Variants in TANC2 observed in about 807,000 individuals in gnomAD.
TANC2 encodes the protein protein TANC2.
TANC2 carries 26 observed loss-of-function variants against 210.5 expected under a neutral mutation model. The ratio of observed to expected loss-of-function variants is 0.12; its 90% CI spans 0.09 to 0.17. The LOEUF (loss-of-function observed/expected upper bound fraction) is 0.17. Among genes scored for constraint, TANC2 ranks in the 10% least tolerant of loss-of-function variants. The pLI, the probability that TANC2 is intolerant of heterozygous loss-of-function variation, is 1.00. For synonymous variants in TANC2, 931 were observed against 967.1 expected (o/e 0.96, Z 0.69); for missense variants, 2,129 against 2,608.9 (o/e 0.82, Z 4.01).
chr17:63,265,990 T>C (rs1338567688), intron 8 of TANC2, among the ~76,000 whole-genome samples: 2 of 152,180 alleles, frequency 1.3e-5, no homozygotes, highest in Admixed American at 6.5e-5. Context: ...GAATCATCTG[T>C]ACCATCAAGA....
At chr17:63,140,822 T>C (rs1380104758) in intron 4 of TANC2, among the ~76,000 whole-genome samples, 1 of 152,120 alleles carries the variant, frequency 6.6e-6, no homozygotes, top group African/African-American at 2.4e-5. Context: ...TCTTGGCTCA[T>C]TGCATCCTCT....
chr17:63,371,521 G>A (rs778353277), intron 14 of TANC2, among the ~76,000 whole-genome samples: 3 of 151,738 alleles, frequency 2.0e-5, no homozygotes, highest in Non-Finnish European at 4.4e-5. Flanking sequence ...AGCATTAGAA[G>A]GTTGTATATT....
intron 1 of TANC2, among the ~76,000 whole-genome samples, chr17:62,976,666 A>C (rs2032019113): frequency 6.6e-6 from 1 of 152,062 alleles, no homozygotes; most frequent in South Asian, 2.1e-4. Context: ...TTAGAAGCAA[A>C]ATTTATTCAA....
intron 7 of TANC2, among the ~76,000 whole-genome samples, chr17:63,210,901 A>T (rs2041865944): frequency 6.6e-6 from 1 of 152,066 alleles, no homozygotes; most frequent in Non-Finnish European, 1.5e-5. Flanking sequence ...TCTTTTTAAA[A>T]TTTTTTAGCA....
chr17:63,136,269 C>A (rs1301056866), intron 4 of TANC2, among the ~76,000 whole-genome samples: 1 of 152,072 alleles, frequency 6.6e-6, no homozygotes, highest in Non-Finnish European at 1.5e-5. Flanking sequence ...ATGTTGTCTC[C>A]ATATTTATTG....
intron 11 of TANC2, among the ~76,000 whole-genome samples, chr17:63,339,489 C>CA (rs1229850706): frequency 6.6e-6 from 1 of 152,164 alleles, no homozygotes; most frequent in East Asian, 1.9e-4. Context: ...AGACCTACAT[C>CA]TAACAAAAAT....
chr17:62,975,630 A>G (rs73339645), intron 1 of TANC2, among the ~76,000 whole-genome samples: 3,171 of 151,328 alleles, frequency 0.021, 104 homozygotes, highest in African/African-American at 0.072. Context: ...TTATAGGATG[A>G]CAGTACTGTT....
chr17:63,168,507 C>T (rs2040292541), intron 5 of TANC2, among the ~76,000 whole-genome samples: 1 of 152,122 alleles, frequency 6.6e-6, no homozygotes, highest in African/African-American at 2.4e-5. Flanking sequence ...CTCAGACCAC[C>T]ATCTTAACTT....
At chr17:63,042,109 A>G (rs1285811470) in intron 2 of TANC2, among the ~76,000 whole-genome samples, 1 of 152,158 alleles carries the variant, frequency 6.6e-6, no homozygotes, top group Admixed American at 6.6e-5. Flanking sequence ...CCAAATATTC[A>G]ACCCTTCTGT....
chr17:63,029,932 A>G (rs2034702399), intron 2 of TANC2, among the ~76,000 whole-genome samples: 1 of 152,140 alleles, frequency 6.6e-6, no homozygotes, highest in African/African-American at 2.4e-5. Flanking sequence ...AATTCTTTCT[A>G]TTTCTGGTAC....
chr17:63,253,159 A>G (rs1316945910), intron 8 of TANC2, among the ~76,000 whole-genome samples: 1 of 152,144 alleles, frequency 6.6e-6, no homozygotes, highest in Admixed American at 6.5e-5. Flanking sequence ...GCCATTTGAT[A>G]ATATCTCGCT....
intron 17 of TANC2, chr17:63,391,897 T>G (rs1401626185): frequency 6.6e-6 from 1 of 152,080 alleles, no homozygotes; most frequent in Non-Finnish European, 1.5e-5. Flanking sequence ...TGGCTAATTT[T>G]TGTATTTTTA....
intron 5 of TANC2, among the ~76,000 whole-genome samples, chr17:63,169,661 A>C (rs2040332251): frequency 6.6e-6 from 1 of 152,100 alleles, no homozygotes; most frequent in South Asian, 2.1e-4. Context: ...TAAAAATACA[A>C]AAATTAGTTG....
chr17:63,421,303 A>G lies in TANC2; in HGVS notation c.5573A>G (p.His1858Arg), dbSNP rs2049017773. The G allele has an allele frequency of 2.5e-6, 4 of 1,614,052 alleles. No homozygotes were observed. The highest frequency in any genetic ancestry group is 3.4e-6 in the Non-Finnish European group (4 of 1,179,898). The change falls in exon 28 of 28, where the codon CAT becomes CGT. Residue 1858 changes from histidine (H) to arginine (R), a missense_variant. Physicochemically the swap from His to Arg is conservative, Grantham distance 29. Coordinates refer to ENST00000689528, the Ensembl canonical transcript of TANC2. The surrounding 1 kb of genome is among the most constrained non-coding windows in gnomAD (Gnocchi z 6.9). ...CCGCCAACTCCCAGGCCGTTGCTGC[A>G]TTCCCAAAGTGTAGGCCTTCGCTTC... is the stretch of plus-strand genomic sequence containing the variant.
At chr17:63,394,179 CT>C (rs1386622410) in intron 17 of TANC2, among the ~76,000 whole-genome samples, 1 of 152,180 alleles carries the variant, frequency 6.6e-6, no homozygotes, top group Non-Finnish European at 1.5e-5. Flanking sequence ...GCGATCCCTT[CT>C]CCCCCATGTA....
chr17:63,317,412 C>T (rs1294776172), intron 10 of TANC2, among the ~76,000 whole-genome samples: 2 of 151,692 alleles, frequency 1.3e-5, no homozygotes, highest in East Asian at 3.9e-4. Flanking sequence ...AACCTGACAC[C>T]CCCATCAGTC....
At chr17:63,232,216 C>G (rs1168363992) in intron 7 of TANC2, among the ~76,000 whole-genome samples, 1 of 152,200 alleles carries the variant, frequency 6.6e-6, no homozygotes, top group African/African-American at 2.4e-5. Flanking sequence ...TCCTTCAGCT[C>G]TGTGAAGTTA....
At chr17:63,125,126 A>C (rs905051805) in intron 4 of TANC2, 1 of 152,182 alleles carries the variant, frequency 6.6e-6, no homozygotes, top group East Asian at 1.9e-4. Context: ...CTGCAATATG[A>C]TGTAATAGTT....
In TANC2 at chr17:63,418,648, G is replaced by C. The variant is rs2048937537; in HGVS notation, c.4268+241G>C. 6.6e-6 allele frequency among the ~76,000 whole-genome samples: 1 copy of C among 152,186 alleles called. No homozygotes were observed. The highest frequency in any genetic ancestry group is 1.5e-5 in the Non-Finnish European group (1 of 68,038). ...GAAAAACACTTTTTCACTGGAGAAT[G>C]GCAGCTTCTTCCAAGAAGCCTCTGC... On this transcript the variant is annotated intron_variant, in intron 27 of 27. Transcript: ENST00000689528. This position sits in a 1 kb window ranked among gnomAD's most constrained non-coding sequence, Gnocchi z 4.6.
Sources: allele counts gnomAD v4.1 joint callset (sites outside exome capture counted in the v4.1 genomes callset), GRCh38; gene constraint gnomAD v4.1.1; non-coding constraint Gnocchi (gnomAD v3.1); transcripts MANE v1.5; gene names NCBI Gene and HGNC (gene_info 2026-07-23, HGNC 2026-07-21).